STAG1: variants seen among roughly 807,000 people sequenced by gnomAD.
STAG1 encodes cohesin subunit SA-1.
A neutral mutation model predicts 170.9 loss-of-function variants in STAG1; 26 were observed. The ratio of observed to expected loss-of-function variants is 0.15; its 90% confidence interval spans 0.11 to 0.21. STAG1 has a LOEUF of 0.21. Ranked by LOEUF, STAG1 falls within the 10% of genes least tolerant of loss-of-function variation. STAG1 has a pLI of 1.00. For synonymous variants in STAG1, 514 were observed against 497.7 expected (o/e 1.03, Z -0.44); for missense variants, 964 against 1,509.5 (o/e 0.64, Z 5.99).
At chr3:136,399,691 G>A (rs72987473) in intron 21 of STAG1, among the ~76,000 whole-genome samples, 1,750 of 151,952 alleles carry the variant, frequency 0.012, 21 homozygotes, top group African/African-American at 0.04. Context: ...TATGTGTCTT[G>A]GTGCACTCTG....
At chr3:136,636,705 A>C (rs1222101903) in intron 1 of STAG1, among the ~76,000 whole-genome samples, 2 of 152,200 alleles carry the variant, frequency 1.3e-5, no homozygotes, top group Non-Finnish European at 2.9e-5. Context: ...CTTCTAAACA[A>C]ACACCAAAAC....
intron 4 of STAG1, among the ~76,000 whole-genome samples, chr3:136,602,788 T>C (rs879316004): frequency 2.0e-5 from 3 of 151,698 alleles, no homozygotes; most frequent in Non-Finnish European, 4.4e-5. Flanking sequence ...GAGGTGGAGG[T>C]TGCAGTGAGC....
At chr3:136,525,453 AT>A (rs1382946372) in intron 6 of STAG1, among the ~76,000 whole-genome samples, 1 of 151,980 alleles carries the variant, frequency 6.6e-6, no homozygotes, top group Non-Finnish European at 1.5e-5. Flanking sequence ...CCCCTTTATC[AT>A]TTTTTATTGC....
chr3:136,681,068 T>C (rs1942317524), intron 1 of STAG1, among the ~76,000 whole-genome samples: 1 of 152,220 alleles, frequency 6.6e-6, no homozygotes, highest in Non-Finnish European at 1.5e-5. Flanking sequence ...AATTGTTGTA[T>C]TGTTTAGGAA....
intron 4 of STAG1, among the ~76,000 whole-genome samples, chr3:136,600,813 G>A (rs1559902027): frequency 2.0e-5 from 3 of 152,018 alleles, no homozygotes; most frequent in Admixed American, 6.6e-5. Flanking sequence ...GATTACAGGC[G>A]TGAGCAACCA....
At chr3:136,748,772 T>C (rs905939133) in intron 1 of STAG1, among the ~76,000 whole-genome samples, 1 of 152,200 alleles carries the variant, frequency 6.6e-6, no homozygotes, top group Non-Finnish European at 1.5e-5. Context: ...AAAATAATTA[T>C]ACAAACTCCC....
intron 4 of STAG1, among the ~76,000 whole-genome samples, chr3:136,601,670 A>C (rs1161690814): frequency 6.6e-6 from 1 of 151,874 alleles, no homozygotes; most frequent in Non-Finnish European, 1.5e-5. Flanking sequence ...CAAAACAAAC[A>C]AACAAACAAA....
chr3:136,724,041 G>A (rs1227696327), intron 1 of STAG1, among the ~76,000 whole-genome samples: 2 of 150,978 alleles, frequency 1.3e-5, no homozygotes, highest in African/African-American at 2.4e-5. Context: ...GCCTCTGCCC[G>A]GCCGCCCCTA....
At chr3:136,356,979 G>A (rs142094196) in intron 28 of STAG1, among the ~76,000 whole-genome samples, 1,643 of 149,616 alleles carry the variant, frequency 0.011, 27 homozygotes, top group East Asian at 0.047. Flanking sequence ...ACAGAGTCTC[G>A]CTCTGTCACC....
intron 7 of STAG1, among the ~76,000 whole-genome samples, chr3:136,507,268 G>A (rs977905139): frequency 1.3e-4 from 20 of 152,138 alleles, no homozygotes; most frequent in African/African-American, 3.9e-4. Context: ...TTAGAAAAAC[G>A]TAAGAAACTG....
intron 1 of STAG1, among the ~76,000 whole-genome samples, chr3:136,724,566 T>A (rs982264401): frequency 1.2e-4 from 14 of 117,718 alleles, no homozygotes; most frequent in Non-Finnish European, 2.3e-4. Flanking sequence ...CCCTGCCAAA[T>A]CCCCCTCTGT....
At chr3:136,377,028 C>A (rs949537073) in intron 23 of STAG1, among the ~76,000 whole-genome samples, 2 of 150,962 alleles carry the variant, frequency 1.3e-5, no homozygotes, top group Non-Finnish European at 3.0e-5. Context: ...CTGCCCACCT[C>A]GGCCTCCCAA....
intron 1 of STAG1, among the ~76,000 whole-genome samples, chr3:136,701,350 CTTGA>C (rs565058172): frequency 1.3e-3 from 197 of 152,164 alleles, no homozygotes; most frequent in Non-Finnish European, 2.5e-3. Flanking sequence ...CTTTTTGCTT[CTTGA>C]TTAAAACTTA....
At chr3:136,509,100 A>T (rs1933923407) in intron 7 of STAG1, among the ~76,000 whole-genome samples, 1 of 152,244 alleles carries the variant, frequency 6.6e-6, no homozygotes, top group Non-Finnish European at 1.5e-5. Flanking sequence ...GTGAAAAGGG[A>T]TCAGATTCAC....
intron 28 of STAG1, 49 bp from the exon 29 acceptor site, chr3:136,349,412 C>T (rs1936351460): frequency 6.4e-6 from 9 of 1,413,674 alleles, no homozygotes; most frequent in African/African-American, 1.4e-5. Flanking sequence ...GCAGTTCATA[C>T]ATCACTTACT....
chr3:136,736,996 T>C (rs532486776), intron 1 of STAG1: 2 of 1,593,514 alleles, frequency 1.3e-6, no homozygotes, highest in East Asian at 2.2e-5. Flanking sequence ...TTTGTCAGGA[T>C]GCACCAAGAT....
Position 136,536,287 on chromosome 3 carries a change from G to T in STAG1, c.471+5832C>A, listed in dbSNP as rs970923485. Among the ~76,000 whole-genome samples, 32 of 152,044 alleles carry T rather than the reference G, an allele frequency of 2.1e-4. 1 individual carries two copies. Among genetic ancestry groups the T allele is most frequent in the Admixed American group, 2.0e-3 (31 of 15,270 alleles). Reference sequence around the variant, plus strand: ...ACTAGTACAATTCTATAACTTACTGGATCAGCAGTAAGAAATCGATAATAA... The same window carrying T: ...ACTAGTACAATTCTATAACTTACTGTATCAGCAGTAAGAAATCGATAATAA... On this transcript the variant is annotated intron_variant, in intron 6 of 33. Transcript: ENST00000383202.
Position 136,523,534 on chromosome 3 carries a change from T to C in STAG1, c.472-2117A>G, listed in dbSNP as rs184952347. On this transcript the variant is annotated intron_variant, in intron 6 of 33. Transcript: ENST00000383202. ...TGTAGGTTGCAAAAATCTTCTCCCA[T>C]TCTGTAGGTTACCTGTTCACTCTGA... is the stretch of plus-strand genomic sequence containing the variant. Among the ~76,000 whole-genome samples the C allele has an allele frequency of 4.1e-4, 62 of 152,190 alleles. No individual in the cohort carries two copies. The East Asian group carries it at 9.3e-3, about 23-fold the overall frequency.
intron 16 of STAG1, among the ~76,000 whole-genome samples, chr3:136,425,866 T>G (rs910841387): frequency 6.6e-6 from 1 of 151,532 alleles, no homozygotes; most frequent in Admixed American, 6.6e-5. Flanking sequence ...AAAGTTGGGA[T>G]AGCATATACT....
Sources: allele counts gnomAD v4.1 joint callset (sites outside exome capture counted in the v4.1 genomes callset), GRCh38; gene constraint gnomAD v4.1.1; transcripts MANE v1.5; gene names NCBI Gene and HGNC (gene_info 2026-07-23, HGNC 2026-07-21).